Variants in FLT1 observed in about 807,000 individuals in gnomAD.
FLT1 encodes the protein fms related receptor tyrosine kinase 1.
A neutral mutation model predicts 156.3 loss-of-function variants in FLT1; 49 were observed. The ratio of observed to expected loss-of-function variants is 0.31; its 90% confidence interval spans 0.25 to 0.40. The LOEUF (loss-of-function observed/expected upper bound fraction) is 0.40. FLT1 is among the 10% of genes least tolerant of loss of function. The pLI, the probability that FLT1 is intolerant of heterozygous loss-of-function variation, is 1.00. For synonymous variants in FLT1, 594 were observed against 583.8 expected (o/e 1.02, Z -0.25); for missense variants, 1,322 against 1,637.2 (o/e 0.81, Z 3.32).
intron 15 of FLT1, among the ~76,000 whole-genome samples, chr13:28,351,570 G>A (rs574333724): frequency 7.2e-5 from 11 of 152,214 alleles, no homozygotes; most frequent in Middle Eastern, 3.4e-3. Flanking sequence ...TATTACTGTC[G>A]ATGAAGTTTT....
At chr13:28,365,489 T>C (rs999224096) in intron 14 of FLT1, among the ~76,000 whole-genome samples, 1 of 152,072 alleles carries the variant, frequency 6.6e-6, no homozygotes, top group Non-Finnish European at 1.5e-5. Context: ...GTAGCTGGGA[T>C]TACAGGTGTG....
chr13:28,336,803 C>T (rs1298256372), intron 17 of FLT1, among the ~76,000 whole-genome samples: 5 of 148,284 alleles, frequency 3.4e-5, no homozygotes, highest in Admixed American at 1.3e-4. Context: ...GCCGGAGTGC[C>T]GTGGCGTGAT....
intron 1 of FLT1, among the ~76,000 whole-genome samples, chr13:28,468,233 T>TA (rs2137625381): frequency 6.6e-6 from 1 of 152,366 alleles, no homozygotes; most frequent in African/African-American, 2.4e-5. Flanking sequence ...TGGTTTGTCT[T>TA]ACGTAATCTA....
At chr13:28,485,078 TA>T (rs1231563426) in intron 1 of FLT1, among the ~76,000 whole-genome samples, 1 of 151,956 alleles carries the variant, frequency 6.6e-6, no homozygotes, top group Non-Finnish European at 1.5e-5. Context: ...ACTTAAAGTA[TA>T]AAAAAAGAAA....
chr13:28,317,930 A>G (rs1871272526), intron 24 of FLT1, among the ~76,000 whole-genome samples: 1 of 151,518 alleles, frequency 6.6e-6, no homozygotes, highest in Non-Finnish European at 1.5e-5. Flanking sequence ...AAGAAGTCCC[A>G]TCATTAGAGA....
intron 10 of FLT1, among the ~76,000 whole-genome samples, chr13:28,412,300 T>C (rs1181952263): frequency 1.6e-5 from 2 of 122,180 alleles, no homozygotes; most frequent in African/African-American, 5.4e-5. Context: ...TCTTTCTTTT[T>C]CTCTTTCTCT....
Position 28,444,292 on chromosome 13 carries a change from G to A in FLT1, c.389-5947C>T, listed in dbSNP as rs141201077. Among the ~76,000 whole-genome samples the A allele has an allele frequency of 6.4e-3, 977 of 152,184 alleles. 14 individuals are homozygous for A. Among genetic ancestry groups the A allele is most frequent in the African/African-American group, 0.023 (938 of 41,514 alleles). ...CCCCATCTCCACTAAAAATACACAA[G>A]TTAGCCAGTGTGGTGATGCACGCCT... On this transcript the variant is annotated intron_variant, in intron 3 of 29. Transcript: ENST00000282397.
At chr13:28,327,756 C>CAAAAAAAAAAAAAAAAAAAAAAAAAAAA (rs56031277) in intron 19 of FLT1, among the ~76,000 whole-genome samples, 1 of 122,794 alleles carries the variant, frequency 8.1e-6, no homozygotes, top group Non-Finnish European at 1.7e-5. Flanking sequence ...AATTGAAATA[C>CAAAAAAAAAAAAAAAAAAAAAAAAAAAA]AAAAAAAAAA....
intron 11 of FLT1, 75 bp downstream of exon 11, chr13:28,405,705 C>A: frequency 1.1e-6 from 1 of 874,790 alleles, no homozygotes; most frequent in East Asian, 2.4e-5. Context: ...CTTCTGGTGC[C>A]AATAAACCTA....
intron 14 of FLT1, among the ~76,000 whole-genome samples, chr13:28,372,076 A>ATATATTTT (rs1257431752): frequency 8.5e-5 from 1 of 11,760 alleles, no homozygotes; most frequent in Non-Finnish European, 1.6e-4. Flanking sequence ...ATATATATAT[A>ATATATTTT]TTTTTTTTTT....
intron 11 of FLT1, 50 bp from the exon 12 acceptor site, chr13:28,397,118 G>T: frequency 9.6e-7 from 1 of 1,038,994 alleles, no homozygotes; most frequent in Non-Finnish European, 1.5e-6. Context: ...ATAACTAATT[G>T]AACACCCCAA....
chr13:28,309,082 T>C (rs1870877019), intron 27 of FLT1, among the ~76,000 whole-genome samples, 155 bp from the exon 28 acceptor site: 1 of 152,140 alleles, frequency 6.6e-6, no homozygotes, highest in South Asian at 2.1e-4. Flanking sequence ...CCGTGACCCC[T>C]GGGAATCCTG....
At chr13:28,384,465 A>AG (rs1329895980) in intron 14 of FLT1, among the ~76,000 whole-genome samples, 1 of 151,370 alleles carries the variant, frequency 6.6e-6, no homozygotes, top group South Asian at 2.1e-4. Flanking sequence ...AAAAAAAAAA[A>AG]AAAGAAAGAA....
intron 3 of FLT1, among the ~76,000 whole-genome samples, chr13:28,457,385 AG>A (rs68159457): frequency 0.027 from 4,073 of 152,294 alleles, 81 homozygotes; most frequent in Non-Finnish European, 0.042. Context: ...GTATCCGAAC[AG>A]GGATTTGAAA....
chr13:28,494,984 C>T lies in FLT1; in HGVS notation c.-141G>A, dbSNP rs1031011028. ...CTCGCGGCTCCAGCCAGGAGACAACCACTTCCCCGGGTAATCCTCGCCGCC... is the reference window on the plus strand; with the variant it reads ...CTCGCGGCTCCAGCCAGGAGACAACTACTTCCCCGGGTAATCCTCGCCGCC... On this transcript the variant is annotated 5_prime_UTR_variant, in exon 1 of 30. Coordinates refer to ENST00000282397, the MANE Select transcript of FLT1 (RefSeq NM_002019.4). 3 of 599,538 alleles carry T rather than the reference C, an allele frequency of 5.0e-6. No individual in the cohort carries two copies. Among genetic ancestry groups the T allele is most frequent in the Non-Finnish European group, 8.0e-6 (3 of 374,172 alleles). 37.1% of individuals were successfully genotyped at this position (599,538 alleles called of 1,614,324 possible).
intron 13 of FLT1, chr13:28,388,805 C>T (rs4771246): frequency 0.061 from 64,875 of 1,059,470 alleles, 2,403 homozygotes; most frequent in Admixed American, 0.2. Flanking sequence ...TTGTGGTACA[C>T]CTTTGAATGC....
chr13:28,303,737 TA>T (rs1870618701), intron 29 of FLT1, among the ~76,000 whole-genome samples: 1 of 152,142 alleles, frequency 6.6e-6, no homozygotes, highest in South Asian at 2.1e-4. Context: ...CCCTCCAAAA[TA>T]TTCAAATTTT....
At chr13:28,492,769 G>A (rs893221343) in intron 1 of FLT1, among the ~76,000 whole-genome samples, 2 of 152,134 alleles carry the variant, frequency 1.3e-5, no homozygotes, top group Admixed American at 1.3e-4. Flanking sequence ...TAAAGTAGGC[G>A]GTAGCTGATT....
At position 28,334,112 on chromosome 13, in the gene FLT1, C is replaced by G; in HGVS notation, c.2506G>C (p.Gly836Arg). 6.2e-7 allele frequency: 1 copy of G among 1,612,958 alleles called. No homozygotes were observed. The highest frequency in any genetic ancestry group is 8.5e-7 in the Non-Finnish European group (1 of 1,178,884). Residue 836 changes from glycine to arginine, a missense_variant, in exon 18 of 30, where the codon GGG (glycine) becomes CGG (arginine). Transcript: ENST00000282397. Reference protein sequence around the residue: ...RLKLGKSLGRGAFGKVVQASA... With the variant: ...RLKLGKSLGRRAFGKVVQASA... The stretch of plus-strand genomic sequence containing the variant: ...GCTTGAACCACTTTTCCAAAAGCCC[C>G]TCTTCCAAGTGATTTGCCTGTAATG...
Sources: allele counts gnomAD v4.1 joint callset (sites outside exome capture counted in the v4.1 genomes callset), GRCh38; gene constraint gnomAD v4.1.1; transcripts MANE v1.5; gene names NCBI Gene and HGNC (gene_info 2026-07-23, HGNC 2026-07-21).